MAP3K9: variants seen among roughly 807,000 people sequenced by gnomAD.
MAP3K9 encodes the protein mixed lineage kinase 1 (tyr and ser/thr specificity).
A neutral mutation model predicts 95.8 loss-of-function variants in MAP3K9; 46 were observed. The observed-to-expected ratio is 0.48, with a 90% CI of 0.38 to 0.61. The LOEUF (loss-of-function observed/expected upper bound fraction) is 0.61. MAP3K9 is among the 20% of genes least tolerant of loss of function. The pLI, the probability that MAP3K9 is intolerant of heterozygous loss-of-function variation, is 0.00. For missense variants in MAP3K9, 1,296 were observed against 1,474.3 expected, an observed-to-expected ratio of 0.88 and a Z score of 1.98; for synonymous variants, 533 against 593.8, an observed-to-expected ratio of 0.90 and a Z score of 1.49.
chr14:70,738,850 G>A (rs1029278201), intron 7 of MAP3K9, among the ~76,000 whole-genome samples: 1 of 152,136 alleles, frequency 6.6e-6, no homozygotes, highest in Admixed American at 6.5e-5. Flanking sequence ...AAGGAAGTCT[G>A]GAGTGGGAGA....
At chr14:70,778,262 C>T (rs1025225540) in intron 2 of MAP3K9, among the ~76,000 whole-genome samples, 13 of 147,366 alleles carry the variant, frequency 8.8e-5, no homozygotes, top group African/African-American at 3.3e-4. Flanking sequence ...AGGCACACAT[C>T]ACCACGCCCA....
chr14:70,769,649 T>C (rs932701592), intron 2 of MAP3K9, among the ~76,000 whole-genome samples: 5 of 152,220 alleles, frequency 3.3e-5, no homozygotes, highest in Admixed American at 3.3e-4. Flanking sequence ...TTCTAGCTTC[T>C]AGCAGTTGCC....
At chr14:70,790,482 A>C (rs1257057323) in intron 2 of MAP3K9, among the ~76,000 whole-genome samples, 2 of 152,210 alleles carry the variant, frequency 1.3e-5, no homozygotes, top group Non-Finnish European at 2.9e-5. Context: ...CCACCCGGCC[A>C]GTCAGTGTCA....
chr14:70,771,084 T>C (rs987256234), intron 2 of MAP3K9, among the ~76,000 whole-genome samples: 1 of 152,026 alleles, frequency 6.6e-6, no homozygotes, highest in African/African-American at 2.4e-5. Flanking sequence ...GTCAACTTAA[T>C]TATCTTTCTC....
At chr14:70,789,376 A>G (rs1179657415) in intron 2 of MAP3K9, among the ~76,000 whole-genome samples, 1 of 152,198 alleles carries the variant, frequency 6.6e-6, no homozygotes, top group Non-Finnish European at 1.5e-5. Flanking sequence ...AGGGAAATTC[A>G]GCCATATCCT....
rs1594820347 is a variant in MAP3K9 at position 70,808,816 on chromosome 14, C to G, written c.356G>C (p.Ser119Thr). 2.5e-6 allele frequency: 4 copies of G among 1,595,060 alleles called. No homozygotes were observed. The highest frequency in any genetic ancestry group is 8.5e-7 in the Non-Finnish European group (1 of 1,173,726). Reference protein sequence around the residue: ...NYVTPRSAFSSRCQPGGEDPS... With the variant: ...NYVTPRSAFSTRCQPGGEDPS... ...GTCCTCGCCGCCGGGCTGGCAGCGG[C>G]TGGAGAAGGCGCTGCGCGGGGTCAC... Residue 119 changes from serine (S) to threonine (T), a missense_variant, in exon 1 of 12, where the codon AGC becomes ACC. Coordinates refer to ENST00000554752, the MANE Select transcript of MAP3K9 (RefSeq NM_001284230.2).
At chr14:70,770,092 T>C (rs541225237) in intron 2 of MAP3K9, among the ~76,000 whole-genome samples, 38 of 152,270 alleles carry the variant, frequency 2.5e-4, no homozygotes, top group Admixed American at 1.8e-3. Context: ...CATGAACAAG[T>C]CCTGGAAACA....
intron 3 of MAP3K9, among the ~76,000 whole-genome samples, chr14:70,750,457 T>G (rs1328398133): frequency 2.0e-5 from 3 of 152,162 alleles, no homozygotes; most frequent in African/African-American, 7.2e-5. Context: ...TGGCCATAGC[T>G]CTTTCACTAT....
At chr14:70,733,901 GA>G in intron 10 of MAP3K9, 1 of 691,076 alleles carries the variant, frequency 1.4e-6, no homozygotes. Context: ...CTTGCCCTTG[GA>G]AATCAGAGTC....
At chr14:70,759,783 C>T (rs1444659169) in intron 3 of MAP3K9, among the ~76,000 whole-genome samples, 2 of 152,206 alleles carry the variant, frequency 1.3e-5, no homozygotes, top group Non-Finnish European at 2.9e-5. Context: ...GAGACAGGGT[C>T]TCTCTCTGTC....
chr14:70,760,918 G>A (rs1400854909), intron 3 of MAP3K9, 84 bp downstream of exon 3: 18 of 1,464,802 alleles, frequency 1.2e-5, no homozygotes, highest in Non-Finnish European at 1.7e-5. Context: ...GGGATCCTAG[G>A]TAACCTCAAT....
chr14:70,800,745 G>A lies in MAP3K9; in HGVS notation c.742C>T (p.Gln248Ter). The A allele has an allele frequency of 1.2e-6, 2 of 1,614,092 alleles. No individual in the cohort carries two copies. Among genetic ancestry groups the A allele is most frequent in the Non-Finnish European group, 1.7e-6 (2 of 1,180,004 alleles). Reference protein sequence around the residue: ...PPDILVNWAVQIARGMNYLHD... With the variant: ...PPDILVNWAV ...AAGTAGTTCATCCCTCTGGCAATCT[G>A]CACAGCCCAATTCACCAGGATGTCT... Residue 248 changes from glutamine (Q) to a stop codon, truncating the protein, a stop_gained, in exon 2 of 12, where the codon CAG (glutamine) becomes TAG (stop). Coordinates refer to ENST00000554752, the MANE Select transcript of MAP3K9 (RefSeq NM_001284230.2). LOFTEE classifies it high-confidence loss of function.
chr14:70,758,129 A>G (rs1264836753), intron 3 of MAP3K9, among the ~76,000 whole-genome samples: 1 of 152,218 alleles, frequency 6.6e-6, no homozygotes. Flanking sequence ...ATGGAAAAAA[A>G]AATTTGCTAA....
chr14:70,799,891 T>A (rs1226651497), intron 2 of MAP3K9, among the ~76,000 whole-genome samples: 1 of 152,186 alleles, frequency 6.6e-6, no homozygotes, highest in Admixed American at 6.5e-5. Context: ...GTGTCCTCTT[T>A]ACCACCCAGT....
At chr14:70,772,516 AAC>A (rs2054545177) in intron 2 of MAP3K9, among the ~76,000 whole-genome samples, 1 of 152,232 alleles carries the variant, frequency 6.6e-6, no homozygotes. Flanking sequence ...ATCTGGAATT[AAC>A]AAATGAATGC....
rs201326431 is a variant in MAP3K9 at position 70,733,022 on chromosome 14, G to A, written c.2347C>T (p.Pro783Ser). Residue 783 changes from proline to serine, a missense_variant, in exon 11 of 12, where the codon CCT becomes TCT. Coordinates refer to ENST00000554752, the MANE Select transcript of MAP3K9 (RefSeq NM_001284230.2). Reference sequence around the variant, plus strand: ...TTCTCCTCCCGGGCTGGTGGCTCAGGCTCCTCCAGGGGAAGCAGCTGGCAC... The same window carrying A: ...TTCTCCTCCCGGGCTGGTGGCTCAGACTCCTCCAGGGGAAGCAGCTGGCAC... The part of the protein sequence containing the change: ...GKCQLLPLEE[P>S]EPPAREEKKR... 5.1e-4 allele frequency: 820 copies of A among 1,614,176 alleles called. 1 individual carries two copies. The highest frequency in any genetic ancestry group is 1.3e-3 in the South Asian group (120 of 91,082).
At chr14:70,737,772 C>T (rs2054005240) in intron 8 of MAP3K9, among the ~76,000 whole-genome samples, 1 of 152,318 alleles carries the variant, frequency 6.6e-6, no homozygotes, top group Non-Finnish European at 1.5e-5. Flanking sequence ...CAGGTATAAG[C>T]AGAACACCCT....
intron 1 of MAP3K9, among the ~76,000 whole-genome samples, chr14:70,802,353 A>C (rs1268007309): frequency 6.6e-6 from 1 of 152,176 alleles, no homozygotes; most frequent in Non-Finnish European, 1.5e-5. Context: ...CCAGTATCCC[A>C]CCCAGTATCC....
rs768950082 is a variant in MAP3K9 at position 70,730,797 on chromosome 14, C to A, written c.2898G>T (p.Val966=). The A allele has an allele frequency of 6.2e-7, 1 of 1,612,876 alleles. No individual in the cohort carries two copies. ...GEFPRLPDPN[V]VFPPTPRRWN... Reference sequence around the variant, plus strand: ...AGCGCCTTGGGGTTGGGGGGAAGACCACATTGGGGTCAGGGAGACGGGGGA... The same window carrying A: ...AGCGCCTTGGGGTTGGGGGGAAGACAACATTGGGGTCAGGGAGACGGGGGA... Residue 966 remains valine, a synonymous_variant, in exon 12 of 12, where the codon GTG becomes GTT. Transcript: ENST00000554752.
Sources: allele counts gnomAD v4.1 joint callset (sites outside exome capture counted in the v4.1 genomes callset), GRCh38; gene constraint gnomAD v4.1.1; transcripts MANE v1.5; gene names NCBI Gene and HGNC (gene_info 2026-07-23, HGNC 2026-07-21).